Variants in SSBP2 observed in about 807,000 individuals in gnomAD.
SSBP2 encodes single-stranded DNA-binding protein 2.
In SSBP2, 17 loss-of-function variants were observed where a neutral mutation model predicts 61.8. That is an observed-to-expected ratio of 0.28 (90% CI 0.19 to 0.41). The LOEUF is 0.41. Ranked by LOEUF, SSBP2 falls within the 10% of genes least tolerant of loss-of-function variation. SSBP2 has a pLI of 1.00. For missense variants in SSBP2, 310 were observed against 458.7 expected (o/e 0.68, Z 2.96); for synonymous variants, 139 against 141.3 (o/e 0.98, Z 0.12).
intron 4 of SSBP2, among the ~76,000 whole-genome samples, chr5:81,538,345 A>G (rs893068461): frequency 6.6e-5 from 10 of 152,200 alleles, no homozygotes; most frequent in Non-Finnish European, 1.3e-4. Context: ...CAGCAGACAA[A>G]AAGTCTGATG....
At chr5:81,571,190 C>T (rs189739755) in intron 4 of SSBP2, among the ~76,000 whole-genome samples, 42 of 152,316 alleles carry the variant, frequency 2.8e-4, no homozygotes, top group Admixed American at 1.9e-3. Flanking sequence ...ACAACATTTA[C>T]TTAGATTCTG....
chr5:81,669,680 G>A (rs1393551133), intron 1 of SSBP2, among the ~76,000 whole-genome samples: 1 of 151,822 alleles, frequency 6.6e-6, no homozygotes, highest in Non-Finnish European at 1.5e-5. Flanking sequence ...TTGAGGGGAG[G>A]GAACTTAGAG....
chr5:81,594,658 C>G (rs1189887837), intron 4 of SSBP2, among the ~76,000 whole-genome samples: 1 of 152,186 alleles, frequency 6.6e-6, no homozygotes, highest in Non-Finnish European at 1.5e-5. Context: ...GACCACAGTG[C>G]AATCAAACTA....
At chr5:81,505,357 C>G (rs953507021) in intron 5 of SSBP2, among the ~76,000 whole-genome samples, 2 of 152,200 alleles carry the variant, frequency 1.3e-5, no homozygotes, top group Non-Finnish European at 2.9e-5. Context: ...TTCCTGAACG[C>G]TACCTTGTAA....
At chr5:81,494,287 T>A (rs1767127405) in intron 5 of SSBP2, among the ~76,000 whole-genome samples, 1 of 152,196 alleles carries the variant, frequency 6.6e-6, no homozygotes, top group African/African-American at 2.4e-5. Context: ...ATTTACTTTA[T>A]AAGAGAAACT....
In SSBP2 at chr5:81,417,904, G is replaced by A. The variant is rs1761384273; in HGVS notation, c.*2600C>T. ...ACTGCTCTGCCTTGAAAAAAAAAAC[G>A]AATTTTACTTTTAGGTTAGAAATAA... On this transcript the variant is annotated 3_prime_UTR_variant, in exon 17 of 17. Coordinates refer to ENST00000320672, the MANE Select transcript of SSBP2 (RefSeq NM_012446.5). 1.3e-5 allele frequency: 2 copies of A among 150,426 alleles called. No individual in the cohort carries two copies. Among genetic ancestry groups the A allele is most frequent in the South Asian group, 2.1e-4 (1 of 4,748 alleles). 9.3% of individuals were successfully genotyped at this position (150,426 alleles called of 1,614,324 possible). A position where few individuals can be genotyped will look rare whatever the true frequency, so the allele number is the denominator to read the frequency against.
intron 1 of SSBP2, among the ~76,000 whole-genome samples, chr5:81,668,295 T>G (rs1296646165): frequency 6.7e-6 from 1 of 150,234 alleles, no homozygotes; most frequent in African/African-American, 2.4e-5. Context: ...AAAAAAAGTT[T>G]TTTCAAATAA....
intron 4 of SSBP2, among the ~76,000 whole-genome samples, chr5:81,575,588 GACAAT>G (rs1297024100): frequency 6.6e-6 from 1 of 151,864 alleles, no homozygotes; most frequent in Admixed American, 6.6e-5. Flanking sequence ...ACTAACATAA[GACAAT>G]ACAAGGAAGG....
chr5:81,671,963 G>A (rs1206921598), intron 1 of SSBP2, among the ~76,000 whole-genome samples: 1 of 152,066 alleles, frequency 6.6e-6, no homozygotes, highest in African/African-American at 2.4e-5. Context: ...ATGTGACAGT[G>A]GTTGCCAAAA....
chr5:81,665,451 T>C (rs962213692), intron 1 of SSBP2, among the ~76,000 whole-genome samples: 5 of 152,138 alleles, frequency 3.3e-5, no homozygotes, highest in South Asian at 2.1e-4. Flanking sequence ...GCCTCAGATA[T>C]AGACAACGTA....
Position 81,422,892 on chromosome 5 carries a change from C to T in SSBP2, c.1057-2359G>A, listed in dbSNP as rs114542502. ...CCATTTCATCATCACAAACATGATA[C>T]CATTTAATATGTTTACTCAATTGAT... On this transcript the variant is annotated intron_variant, in intron 16 of 16. Coordinates refer to ENST00000320672, the MANE Select transcript of SSBP2 (RefSeq NM_012446.5). Among the ~76,000 whole-genome samples, 445 of 152,300 alleles carry T rather than the reference C, an allele frequency of 2.9e-3. 2 individuals carry two copies. Among genetic ancestry groups the T allele is most frequent in the African/African-American group, 9.4e-3 (390 of 41,544 alleles).
rs1761231403 is a variant in SSBP2, at chr5:81,414,348, A to G, written c.*6156T>C. 6.6e-6 allele frequency: 1 copy of G among 152,200 alleles called. No homozygotes were observed. 9.4% of individuals were successfully genotyped at this position (152,200 alleles called of 1,614,324 possible). On this transcript the variant is annotated 3_prime_UTR_variant, in exon 17 of 17. Coordinates refer to ENST00000320672, the MANE Select transcript of SSBP2 (RefSeq NM_012446.5). ...ATCTTACAGAAATCATTATTCTTCT[A>G]TTCAAGAAAACCAATTATACTAAGT...
chr5:81,616,021 T>C (rs1296041905), intron 3 of SSBP2: 1 of 152,920 alleles, frequency 6.5e-6, no homozygotes, highest in Non-Finnish European at 1.5e-5. Context: ...TAAACAAATG[T>C]ATTTTCTAAA....
intron 1 of SSBP2, among the ~76,000 whole-genome samples, chr5:81,736,419 G>A (rs1370237358): frequency 1.3e-5 from 2 of 152,062 alleles, no homozygotes; most frequent in African/African-American, 4.8e-5. Context: ...TGTTTTTGAG[G>A]GAGGTATTTA....
intron 4 of SSBP2, among the ~76,000 whole-genome samples, chr5:81,559,201 C>T (rs1772835720): frequency 6.6e-6 from 1 of 152,088 alleles, no homozygotes; most frequent in East Asian, 1.9e-4. Flanking sequence ...GCCTGACCAA[C>T]ATGGTGAAAC....
At chr5:81,586,138 T>A (rs985928875) in intron 4 of SSBP2, among the ~76,000 whole-genome samples, 1 of 152,212 alleles carries the variant, frequency 6.6e-6, no homozygotes, top group Non-Finnish European at 1.5e-5. Context: ...CATACTTATT[T>A]CATTTCCTTT....
At chr5:81,448,708 C>T in intron 11 of SSBP2, 82 bp downstream of exon 11, 1 of 1,428,280 alleles carries the variant, frequency 7.0e-7, no homozygotes, top group African/African-American at 1.4e-5. Flanking sequence ...AGGGGCTCTT[C>T]TTAACATCTG....
intron 12 of SSBP2, 134 bp downstream of exon 12, chr5:81,446,734 C>G: frequency 1.3e-6 from 1 of 787,960 alleles, no homozygotes; most frequent in Non-Finnish European, 1.9e-6. Context: ...ATATTTCTTC[C>G]TACCATGCTG....
rs7737633 is a variant in SSBP2 at position 81,563,182 on chromosome 5, T to C, written c.283-49465A>G. Reference sequence around the variant, plus strand: ...TGATAGTGGAAAAAGAATAGATCAATGGTACAGAATAGAGAATCCACACAT... The same window carrying C: ...TGATAGTGGAAAAAGAATAGATCAACGGTACAGAATAGAGAATCCACACAT... On this transcript the variant is annotated intron_variant, in intron 4 of 16. Transcript: ENST00000320672. Among the ~76,000 whole-genome samples, 1,340 of 152,260 alleles carry C rather than the reference T, an allele frequency of 8.8e-3. 30 individuals are homozygous for C. The highest frequency in any genetic ancestry group is 0.031 in the African/African-American group (1,278 of 41,558).
Sources: gnomAD v4.1 joint callset for allele counts (sites outside exome capture counted in the v4.1 genomes callset) on GRCh38, gnomAD v4.1.1 for gene constraint, MANE v1.5 for transcripts, NCBI Gene and HGNC (gene_info 2026-07-23, HGNC 2026-07-21) for gene names.